C6: variants seen among roughly 807,000 people sequenced by gnomAD.
C6 encodes complement component C6.
Under a neutral mutation model 112.9 loss-of-function variants are expected in C6, and 101 were observed. The observed-to-expected ratio is 0.89, with a 90% CI of 0.76 to 1.06. The LOEUF is 1.06. C6 is among the 50% of genes least tolerant of loss of function. The pLI, the probability that C6 is intolerant of heterozygous loss-of-function variation, is 0.00. For missense variants in C6, 1,202 were observed against 1,104.6 expected (o/e 1.09, Z -1.25); for synonymous variants, 431 against 384.1 (o/e 1.12, Z -1.43).
At chr5:41,158,911 A>T (rs1240975207) in intron 12 of C6, 126 bp from the exon 13 acceptor site, 1 of 1,033,488 alleles carries the variant, frequency 9.7e-7, no homozygotes, top group African/African-American at 1.6e-5. Flanking sequence ...AAAACATTAC[A>T]CACAGAAAAA....
rs746754447 is a variant in C6 at position 41,159,250 on chromosome 5, G to A, written c.1688C>T (p.Ala563Val). The A allele has an allele frequency of 2.5e-6, 4 of 1,612,900 alleles. No individual in the cohort carries two copies. Among genetic ancestry groups the A allele is most frequent in the Non-Finnish European group, 3.4e-6 (4 of 1,179,426 alleles). Residue 563 changes from alanine to valine, a missense_variant, in exon 12 of 18, where the codon GCA becomes GTA. Coordinates refer to ENST00000337836, the MANE Select transcript of C6 (RefSeq NM_000065.5). The part of the protein sequence containing the change: ...EKQSPDYKSN[A>V]VDGQWGCWSS... ...CCAACAACCCCACTGTCCGTCTACTGCATCTGGAACAAAGGAAGACTCACT... is the reference window on the plus strand; with the variant it reads ...CCAACAACCCCACTGTCCGTCTACTACATCTGGAACAAAGGAAGACTCACT...
chr5:41,196,704 G>A (rs950408116), intron 4 of C6, among the ~76,000 whole-genome samples: 20 of 151,320 alleles, frequency 1.3e-4, no homozygotes, highest in African/African-American at 4.6e-4. Flanking sequence ...TTGTTTTCCT[G>A]CATATAATTT....
chr5:41,257,734 AACAGTCTATTCTCCCATCTAAGGCTG>A (rs1257377818), intron 1 of C6, among the ~76,000 whole-genome samples: 4 of 152,160 alleles, frequency 2.6e-5, no homozygotes, highest in Non-Finnish European at 5.9e-5. Flanking sequence ...CCCTGTTGTT[AACAGTCTATTCTCCCATCTAAGGCTG>A]ACATATATAC....
Position 41,155,065 on chromosome 5 carries a change from T to A in C6, c.2008A>T (p.Ile670Phe). 6.2e-7 allele frequency: 1 copy of A among 1,613,722 alleles called. No individual in the cohort carries two copies. Among genetic ancestry groups the A allele is most frequent in the Non-Finnish European group, 8.5e-7 (1 of 1,179,722 alleles). ...QLYLVGEDVEISCLTGFETVG... is the reference protein window; with the variant it reads ...QLYLVGEDVEFSCLTGFETVG... The stretch of plus-strand genomic sequence containing the variant: ...GTTTCAAAGCCAGTAAGGCATGAAA[T>A]TTCAACATCTTCTCCAACCAAGTAT... The change falls in exon 14 of 18, where the codon ATT becomes TTT. Residue 670 changes from isoleucine (I) to phenylalanine (F), a missense_variant. Physicochemically the swap from Ile to Phe is conservative, Grantham distance 21. Transcript: ENST00000337836.
chr5:41,159,330 T>G, intron 11 of C6, 77 bp from the exon 12 acceptor site: 1 of 1,545,474 alleles, frequency 6.5e-7, no homozygotes, highest in Non-Finnish European at 8.8e-7. Context: ...CAACCTGGTT[T>G]CCTCACTTTT....
At chr5:41,182,842 A>T (rs1025590079) in intron 6 of C6, among the ~76,000 whole-genome samples, 4 of 152,176 alleles carry the variant, frequency 2.6e-5, no homozygotes, top group Non-Finnish European at 5.9e-5. Context: ...CAGCCATACC[A>T]CTATGGCAGA....
Position 41,203,452 on chromosome 5 carries a change from T to C in C6, c.-20-202A>G, listed in dbSNP as rs191300504. On this transcript the variant is annotated intron_variant, in intron 1 of 17. Coordinates refer to ENST00000337836, the MANE Select transcript of C6 (RefSeq NM_000065.5). ...AAGATTTTTAGGGTGGAGATTACCA[T>C]AGGCACAACCTCCAGTACTAGTAAG... The C allele has an allele frequency of 3.7e-5, 20 of 535,392 alleles. No homozygotes were observed. The East Asian group carries it at 5.2e-4, about 14-fold the overall frequency. 33.2% of individuals were successfully genotyped at this position (535,392 alleles called of 1,614,324 possible).
chr5:41,211,441 C>T (rs887611517), intron 1 of C6, among the ~76,000 whole-genome samples: 2 of 151,954 alleles, frequency 1.3e-5, no homozygotes, highest in Non-Finnish European at 1.5e-5. Flanking sequence ...GATTCTAGTT[C>T]GTCGGTAAGT....
intron 13 of C6, among the ~76,000 whole-genome samples, chr5:41,155,851 C>T (rs1746849674): frequency 6.6e-6 from 1 of 151,922 alleles, no homozygotes; most frequent in African/African-American, 2.4e-5. Flanking sequence ...ATATACTCAC[C>T]ATGTAGTGAC....
Position 41,150,024 on chromosome 5 carries a change from A to G in C6, c.2292T>C (p.Asp764=), listed in dbSNP as rs1746234050. 9 of 1,601,676 alleles carry G rather than the reference A, an allele frequency of 5.6e-6. No individual in the cohort carries two copies. Among genetic ancestry groups the G allele is most frequent in the Non-Finnish European group, 7.7e-6 (9 of 1,168,856 alleles). ...AATGGCCTTTTAATTTTGTTAGAGT[A>G]TCTGAAACAAAAGAAAAAAGGAGAA... The part of the protein sequence containing the change: ...PISNSLTCEK[D]TLTKLKGHCQ... Residue 764 remains aspartate, a splice_region_variant and synonymous_variant, in exon 16 of 18, where the codon GAT becomes GAC. Coordinates refer to ENST00000337836, the MANE Select transcript of C6 (RefSeq NM_000065.5).
At chr5:41,151,181 T>C (rs1580041666) in intron 15 of C6, among the ~76,000 whole-genome samples, 2 of 152,084 alleles carry the variant, frequency 1.3e-5, no homozygotes, top group South Asian at 4.1e-4. Flanking sequence ...AGAGGCATGG[T>C]GGTCAATAGG....
intron 6 of C6, among the ~76,000 whole-genome samples, chr5:41,183,344 A>G (rs1053895458): frequency 6.6e-6 from 1 of 152,212 alleles, no homozygotes; most frequent in Non-Finnish European, 1.5e-5. Context: ...GATATTTAAT[A>G]ATGGCTGTGT....
At position 41,172,341 on chromosome 5, in the gene C6, G is replaced by A; in HGVS notation, c.1175C>T (p.Thr392Ile). The change falls in exon 9 of 18, where the codon ACC becomes ATC. Residue 392 changes from threonine to isoleucine, a missense_variant. Thr to Ile is a moderately conservative substitution (Grantham distance 89). Transcript: ENST00000337836. The stretch of plus-strand genomic sequence containing the variant: ...GACACAGTGTTTGGCTTCTTCCTCG[G>A]TTAAACCTAGGAGATGAAGTACAAA... ...SSEELKNSGL[T>I]EEEAKHCVRI... The A allele has an allele frequency of 6.2e-7, 1 of 1,613,448 alleles. No individual in the cohort carries two copies.
chr5:41,207,355 G>A (rs899272618), intron 1 of C6, among the ~76,000 whole-genome samples: 41 of 152,084 alleles, frequency 2.7e-4, no homozygotes, highest in African/African-American at 5.6e-4. Flanking sequence ...TCATAATGAC[G>A]GGTTCAAATT....
chr5:41,207,632 G>T lies in C6; in HGVS notation c.-20-4382C>A, dbSNP rs113140041. 5.3e-5 allele frequency among the ~76,000 whole-genome samples: 8 copies of T among 152,242 alleles called. 2 individuals carry two copies. The highest frequency in any genetic ancestry group is 1.9e-4 in the African/African-American group (8 of 41,552). ...AACAAAGATCAAAAGAGACAAAGAA[G>T]GCCATTACATAATGGTAAAGGGATG... On this transcript the variant is annotated intron_variant, in intron 1 of 17. Coordinates refer to ENST00000337836, the MANE Select transcript of C6 (RefSeq NM_000065.5).
intron 1 of C6, among the ~76,000 whole-genome samples, chr5:41,251,420 T>C (rs1277940564): frequency 6.6e-6 from 1 of 152,144 alleles, no homozygotes; most frequent in Non-Finnish European, 1.5e-5. Flanking sequence ...GCACTAGACA[T>C]TGAATGCTAT....
At chr5:41,182,794 T>A (rs972306485) in intron 6 of C6, among the ~76,000 whole-genome samples, 1 of 152,202 alleles carries the variant, frequency 6.6e-6, no homozygotes, top group African/African-American at 2.4e-5. Flanking sequence ...TTTGAAGAAA[T>A]ACCACTATGA....
At chr5:41,162,384 G>C (rs76317418) in intron 9 of C6, among the ~76,000 whole-genome samples, 212 of 152,168 alleles carry the variant, frequency 1.4e-3, no homozygotes, top group African/African-American at 5.0e-3. Context: ...TCCAATTACA[G>C]GGAAAAAATG....
chr5:41,234,984 T>C (rs1740167154), intron 1 of C6, among the ~76,000 whole-genome samples: 1 of 151,852 alleles, frequency 6.6e-6, no homozygotes, highest in South Asian at 2.1e-4. Context: ...ACTGTGAAGA[T>C]GAGATTTGGA....
Sources: gnomAD v4.1 joint callset for allele counts (sites outside exome capture counted in the v4.1 genomes callset) on GRCh38, gnomAD v4.1.1 for gene constraint, MANE v1.5 for transcripts, NCBI Gene and HGNC (gene_info 2026-07-23, HGNC 2026-07-21) for gene names.